The following SYNPR variants were observed in gnomAD, a reference collection of about 807,000 sequenced individuals.
SYNPR encodes the protein synaptoporin.
SYNPR carries 23 observed loss-of-function variants against 32.9 expected under a neutral mutation model. The observed-to-expected ratio is 0.70, with a 90% confidence interval of 0.50 to 0.99. The LOEUF (loss-of-function observed/expected upper bound fraction) is 0.99. SYNPR is among the 50% of genes least tolerant of loss of function. SYNPR has a pLI of 0.00. For missense variants in SYNPR, 318 were observed against 349.3 expected, an observed-to-expected ratio of 0.91 and a Z score of 0.71; for synonymous variants, 146 against 135.9, an observed-to-expected ratio of 1.07 and a Z score of -0.52.
At chr3:63,403,399 T>C (rs1453047485) in intron 2 of SYNPR, among the ~76,000 whole-genome samples, 1 of 151,132 alleles carries the variant, frequency 6.6e-6, no homozygotes, top group Non-Finnish European at 1.5e-5. Flanking sequence ...TACATACATA[T>C]ATATACACAC....
intron 3 of SYNPR, among the ~76,000 whole-genome samples, chr3:63,548,874 G>C (rs1702456206): frequency 6.6e-6 from 1 of 152,154 alleles, no homozygotes; most frequent in Non-Finnish European, 1.5e-5. Context: ...ACCGCCAAAT[G>C]TATTGGTAGG....
intron 3 of SYNPR, among the ~76,000 whole-genome samples, chr3:63,534,885 G>A (rs941144843): frequency 6.6e-6 from 1 of 152,042 alleles, no homozygotes; most frequent in African/African-American, 2.4e-5. Context: ...GTGAGAAAAT[G>A]AGTAATCTAT....
chr3:63,577,387 C>G (rs557032919), intron 4 of SYNPR, among the ~76,000 whole-genome samples: 21 of 152,060 alleles, frequency 1.4e-4, no homozygotes, highest in Admixed American at 3.9e-4. Flanking sequence ...CACCAAGACC[C>G]ACATGGAGAG....
chr3:63,469,860 A>T (rs183354828), intron 2 of SYNPR, among the ~76,000 whole-genome samples: 1 of 152,348 alleles, frequency 6.6e-6, no homozygotes, highest in African/African-American at 2.4e-5. Flanking sequence ...ATAAATTTGA[A>T]AGTACTATTG....
chr3:63,329,902 C>T (rs1388646844), intron 2 of SYNPR, among the ~76,000 whole-genome samples: 1 of 152,030 alleles, frequency 6.6e-6, no homozygotes, highest in Admixed American at 6.6e-5. Context: ...TCTTATCTGC[C>T]CCTTATTAAA....
chr3:63,434,033 TAAAC>T (rs1293761588), intron 2 of SYNPR, among the ~76,000 whole-genome samples: 6 of 152,086 alleles, frequency 3.9e-5, no homozygotes, highest in African/African-American at 1.4e-4. Flanking sequence ...GATGGAATCT[TAAAC>T]AAGCAGATCA....
At chr3:63,478,907 T>A (rs563309425) in intron 2 of SYNPR, among the ~76,000 whole-genome samples, 1 of 152,186 alleles carries the variant, frequency 6.6e-6, no homozygotes, top group Non-Finnish European at 1.5e-5. Context: ...GAATTAAGCA[T>A]TGAACCATTA....
chr3:63,523,291 C>T (rs528338353), intron 3 of SYNPR, among the ~76,000 whole-genome samples: 2 of 152,216 alleles, frequency 1.3e-5, no homozygotes, highest in African/African-American at 2.4e-5. Context: ...CCACCTTGCA[C>T]TATGGTGTGG....
chr3:63,403,534 T>G (rs1020013096), intron 2 of SYNPR, among the ~76,000 whole-genome samples: 1 of 151,894 alleles, frequency 6.6e-6, no homozygotes, highest in African/African-American at 2.4e-5. Flanking sequence ...AGTGGGTACA[T>G]TTATTGGATA....
At chr3:63,381,271 A>G (rs983235451) in intron 2 of SYNPR, among the ~76,000 whole-genome samples, 1 of 152,214 alleles carries the variant, frequency 6.6e-6, no homozygotes. Context: ...AGACAAACAG[A>G]GAGCCAAATC....
chr3:63,500,781 G>A (rs560742064), intron 3 of SYNPR, among the ~76,000 whole-genome samples: 1 of 152,226 alleles, frequency 6.6e-6, no homozygotes, highest in East Asian at 1.9e-4. Flanking sequence ...TTTCTAGCAA[G>A]CAAGCCTCAT....
intron 2 of SYNPR, among the ~76,000 whole-genome samples, chr3:63,253,881 G>A (rs967359395): frequency 1.6e-4 from 25 of 152,044 alleles, no homozygotes; most frequent in African/African-American, 5.1e-4. Context: ...TGTTTATTGC[G>A]GCACTATTCA....
the SYNPR span, among the ~76,000 whole-genome samples, chr3:63,217,754 T>A: frequency 6.6e-6 from 1 of 152,182 alleles, no homozygotes; most frequent in Non-Finnish European, 1.5e-5. Flanking sequence ...GAGGACAGAT[T>A]CCTTAAAATG....
intron 4 of SYNPR, among the ~76,000 whole-genome samples, chr3:63,604,212 T>C (rs938152676): frequency 4.6e-5 from 7 of 152,160 alleles, no homozygotes; most frequent in African/African-American, 7.2e-5. Context: ...TCATTTCTGA[T>C]TGTGTTTATT....
At chr3:63,524,497 A>G (rs2106778292) in intron 3 of SYNPR, among the ~76,000 whole-genome samples, 1 of 152,268 alleles carries the variant, frequency 6.6e-6, no homozygotes, top group Non-Finnish European at 1.5e-5. Context: ...AATTGGCCAC[A>G]CATTTGAAGC....
chr3:63,340,720 A>G (rs527519816), intron 2 of SYNPR, among the ~76,000 whole-genome samples: 1 of 152,302 alleles, frequency 6.6e-6, no homozygotes, highest in South Asian at 2.1e-4. Flanking sequence ...CGCCCGGCCA[A>G]TGTACTTTAT....
intron 4 of SYNPR, among the ~76,000 whole-genome samples, chr3:63,604,624 T>C (rs1330502399): frequency 6.6e-6 from 1 of 152,220 alleles, no homozygotes; most frequent in Non-Finnish European, 1.5e-5. Context: ...GAGCAGGCTG[T>C]TTAATTTCCA....
intron 4 of SYNPR, among the ~76,000 whole-genome samples, chr3:63,577,199 C>T (rs964672472): frequency 6.6e-6 from 1 of 152,176 alleles, no homozygotes; most frequent in Non-Finnish European, 1.5e-5. Flanking sequence ...GCTGGGTAAA[C>T]GCAATGCTTA....
At chr3:63,490,494 G>A (rs142935276) in intron 3 of SYNPR, among the ~76,000 whole-genome samples, 48 of 152,128 alleles carry the variant, frequency 3.2e-4, no homozygotes, top group Middle Eastern at 3.4e-3. Context: ...GGCTGCAGCC[G>A]TCCAAGGAAA....
Sources: allele counts gnomAD v4.1 joint callset (sites outside exome capture counted in the v4.1 genomes callset), GRCh38; gene constraint gnomAD v4.1.1; transcripts MANE v1.5; gene names NCBI Gene and HGNC (gene_info 2026-07-23, HGNC 2026-07-21).